DLGAP2: variants seen among roughly 807,000 people sequenced by gnomAD.
The protein encoded by DLGAP2 is DLG associated protein 2.
In DLGAP2, 26 loss-of-function variants were observed where a neutral mutation model predicts 100.3. The ratio of observed to expected loss-of-function variants is 0.26; its 90% confidence interval spans 0.19 to 0.36. DLGAP2 has a LOEUF of 0.36. DLGAP2 is among the 10% of genes least tolerant of loss of function. The pLI, the probability that DLGAP2 is intolerant of heterozygous loss-of-function variation, is 1.00. For synonymous variants in DLGAP2, 886 were observed against 630.1 expected (o/e 1.41, Z -6.08); for missense variants, 1,858 against 1,453.2 (o/e 1.28, Z -4.53).
chr8:1,593,485 A>T (rs540245630), intron 6 of DLGAP2, among the ~76,000 whole-genome samples: 1 of 152,034 alleles, frequency 6.6e-6, no homozygotes, highest in African/African-American at 2.4e-5. Flanking sequence ...AATAAAAATA[A>T]ATAAATAAAT....
intron 8 of DLGAP2, among the ~76,000 whole-genome samples, chr8:1,640,928 A>G (rs76542117): frequency 0.014 from 2,111 of 152,362 alleles, 57 homozygotes; most frequent in African/African-American, 0.048. Flanking sequence ...CTAAGCCTAT[A>G]GGATGAGTGG....
At chr8:1,371,249 G>A (rs768207019) in intron 3 of DLGAP2, among the ~76,000 whole-genome samples, 4 of 152,210 alleles carry the variant, frequency 2.6e-5, no homozygotes, top group Non-Finnish European at 5.9e-5. Context: ...GGAACTAAAC[G>A]GATGCTGTCT....
intron 5 of DLGAP2, among the ~76,000 whole-genome samples, chr8:1,558,466 G>T (rs1247776539): frequency 6.6e-6 from 1 of 152,146 alleles, no homozygotes; most frequent in Non-Finnish European, 1.5e-5. Flanking sequence ...CAGTCTCTGG[G>T]AAGGAGGGAG....
chr8:1,185,952 G>A lies in DLGAP2; in HGVS notation c.74-72899G>A, dbSNP rs77609050. 1.0e-3 allele frequency among the ~76,000 whole-genome samples: 156 copies of A among 152,206 alleles called. 1 individual carries two copies. The East Asian group carries it at 0.029, about 28-fold the overall frequency. ...CTCGCCTCGGAGTTCCATGATCTCG[G>A]GGCCTCCTGTCACCTCCCTCCAGGA... On this transcript the variant is annotated intron_variant, in intron 2 of 14. Coordinates refer to ENST00000637795, the MANE Select transcript of DLGAP2 (RefSeq NM_001346810.2).
intron 5 of DLGAP2, among the ~76,000 whole-genome samples, chr8:1,550,783 C>T (rs1297426738): frequency 6.6e-6 from 1 of 152,220 alleles, no homozygotes. Context: ...GAGAAGCTCT[C>T]TGGGAGGCAC....
rs549011753 is a variant in DLGAP2, at chr8:1,150,331, C to T, written c.74-108520C>T. ...TGCCTTCCCTGTTTTTATTAGGAAG[C>T]CAGGGCATGGTATCATTGCTTAAAT... On this transcript the variant is annotated intron_variant, in intron 2 of 14. Transcript: ENST00000637795. Among the ~76,000 whole-genome samples the T allele has an allele frequency of 2.6e-5, 4 of 152,296 alleles. No homozygotes were observed. In the East Asian group the frequency reaches 7.7e-4, roughly 29 times the overall value.
intron 2 of DLGAP2, among the ~76,000 whole-genome samples, chr8:1,056,449 CT>C (rs1242015041): frequency 1.3e-5 from 2 of 152,162 alleles, no homozygotes; most frequent in East Asian, 1.9e-4. Flanking sequence ...AATTTTGGAA[CT>C]TTTTTTCATG....
At position 1,095,180 on chromosome 8, in the gene DLGAP2, G is replaced by A. The variant is rs145001930; in HGVS notation, c.74-163671G>A. On this transcript the variant is annotated intron_variant, in intron 2 of 14. Coordinates refer to ENST00000637795, the MANE Select transcript of DLGAP2 (RefSeq NM_001346810.2). ...CCTTCAGGAGGGAGATGAAGATGCC[G>A]TGGTCACCCTTTACTTGTCATTTTT... is the stretch of plus-strand genomic sequence containing the variant. Among the ~76,000 whole-genome samples the A allele has an allele frequency of 2.0e-3, 310 of 152,272 alleles. 1 individual carries two copies. The highest frequency in any genetic ancestry group is 6.6e-3 in the African/African-American group (274 of 41,530).
chr8:1,069,872 A>G (rs1232720984), intron 2 of DLGAP2, among the ~76,000 whole-genome samples: 1 of 152,136 alleles, frequency 6.6e-6, no homozygotes, highest in Non-Finnish European at 1.5e-5. Flanking sequence ...AGAGGCCAGA[A>G]GCCAAGCTAG....
chr8:1,244,437 A>C (rs1798863405), intron 2 of DLGAP2, among the ~76,000 whole-genome samples: 1 of 152,234 alleles, frequency 6.6e-6, no homozygotes, highest in Admixed American at 6.5e-5. Context: ...AATGAGGTTA[A>C]AGTGTTGTAA....
chr8:1,036,206 C>T (rs1017117335), intron 2 of DLGAP2, among the ~76,000 whole-genome samples: 1 of 135,300 alleles, frequency 7.4e-6, no homozygotes, highest in Non-Finnish European at 1.6e-5. Context: ...GGGTTCACAG[C>T]CTCATCCCGA....
At chr8:916,647 A>G (rs1332711107) in intron 2 of DLGAP2, among the ~76,000 whole-genome samples, 1 of 152,226 alleles carries the variant, frequency 6.6e-6, no homozygotes, top group East Asian at 1.9e-4. Context: ...CCTAGAACTT[A>G]AAGTATAATA....
At chr8:1,084,388 G>A (rs573746631) in intron 2 of DLGAP2, among the ~76,000 whole-genome samples, 38 of 152,250 alleles carry the variant, frequency 2.5e-4, no homozygotes, top group African/African-American at 9.1e-4. Context: ...TTTTTGTGAT[G>A]AGAACATTAG....
At chr8:1,384,031 G>A (rs1032517843) in intron 3 of DLGAP2, among the ~76,000 whole-genome samples, 3 of 152,162 alleles carry the variant, frequency 2.0e-5, no homozygotes, top group Non-Finnish European at 4.4e-5. Flanking sequence ...ACAAGAAAGG[G>A]GTTTTCGTTA....
intron 12 of DLGAP2, among the ~76,000 whole-genome samples, chr8:1,685,351 G>C (rs1277926454): frequency 2.0e-5 from 3 of 152,220 alleles, no homozygotes; most frequent in Admixed American, 2.0e-4. Context: ...AAATACTGAT[G>C]ACGTTCTGAG....
At position 1,206,170 on chromosome 8, in the gene DLGAP2, T is replaced by C. The variant is rs1797985552; in HGVS notation, c.74-52681T>C. 2.0e-5 allele frequency among the ~76,000 whole-genome samples: 3 copies of C among 152,138 alleles called. No individual in the cohort carries two copies. In the South Asian group the frequency reaches 6.2e-4, roughly 32 times the overall value. On this transcript the variant is annotated intron_variant, in intron 2 of 14. Coordinates refer to ENST00000637795, the MANE Select transcript of DLGAP2 (RefSeq NM_001346810.2). Reference sequence around the variant, plus strand: ...AAAGGAGTTTGAAGGGAAGGCGCTGTGAGAAGGGTAGGTACAAGTGCCAGG... The same window carrying C: ...AAAGGAGTTTGAAGGGAAGGCGCTGCGAGAAGGGTAGGTACAAGTGCCAGG...
intron 2 of DLGAP2, among the ~76,000 whole-genome samples, chr8:1,188,963 G>T (rs116379882): frequency 0.012 from 1,441 of 117,404 alleles, 34 homozygotes; most frequent in African/African-American, 0.067. Context: ...GGGGTTGACC[G>T]TACACAGGGT....
At chr8:1,410,470 A>G (rs1796696585) in intron 3 of DLGAP2, among the ~76,000 whole-genome samples, 1 of 152,190 alleles carries the variant, frequency 6.6e-6, no homozygotes, top group African/African-American at 2.4e-5. Context: ...ACTTACTGTC[A>G]TGTCCCACAG....
chr8:1,672,324 T>A (rs1278479226), intron 10 of DLGAP2, among the ~76,000 whole-genome samples: 1 of 151,204 alleles, frequency 6.6e-6, no homozygotes, highest in Admixed American at 6.6e-5. Context: ...CTCCACCTCC[T>A]GAGTTCAAAT....
Sources: allele counts gnomAD v4.1 joint callset (sites outside exome capture counted in the v4.1 genomes callset), GRCh38; gene constraint gnomAD v4.1.1; transcripts MANE v1.5; gene names NCBI Gene and HGNC (gene_info 2026-07-23, HGNC 2026-07-21).